Variants in SNX24 observed in about 807,000 individuals in gnomAD.
The protein encoded by SNX24 is sorting nexin 24.
A neutral mutation model predicts 28.7 loss-of-function variants in SNX24; 22 were observed. That is an observed-to-expected ratio of 0.77 (90% confidence interval 0.55 to 1.10). SNX24 has a LOEUF of 1.10. Among genes scored for constraint, SNX24 ranks in the 50% least tolerant of loss-of-function variants. SNX24 has a pLI of 0.00. For synonymous variants in SNX24, 69 were observed against 71.5 expected (o/e 0.96, Z 0.18); for missense variants, 221 against 201.1 (o/e 1.10, Z -0.60).
chr5:122,885,985 C>T (rs907901398), intron 1 of SNX24, among the ~76,000 whole-genome samples: 1 of 76,506 alleles, frequency 1.3e-5, no homozygotes, highest in Non-Finnish European at 2.2e-5. Flanking sequence ...GCTGATCCGA[C>T]CTGCTGTGTG....
intron 3 of SNX24, among the ~76,000 whole-genome samples, chr5:122,959,836 T>C (rs1012533978): frequency 2.6e-5 from 4 of 152,132 alleles, no homozygotes; most frequent in African/African-American, 9.7e-5. Context: ...AGCAGAGGTT[T>C]TGATAGGCAA....
At chr5:122,898,906 G>A (rs982626884) in intron 1 of SNX24, among the ~76,000 whole-genome samples, 3 of 152,222 alleles carry the variant, frequency 2.0e-5, no homozygotes, top group South Asian at 2.1e-4. Context: ...TCACAAATCA[G>A]AGTTTAGGAA....
At chr5:123,021,796 C>G (rs1387975432) in intron 5 of SNX24, among the ~76,000 whole-genome samples, 3 of 152,174 alleles carry the variant, frequency 2.0e-5, no homozygotes, top group Non-Finnish European at 4.4e-5. Context: ...ATCCCGCTCC[C>G]CTTTCTGCAC....
At chr5:123,026,064 C>T in intron 5 of SNX24, 1 of 1,065,322 alleles carries the variant, frequency 9.4e-7, no homozygotes, top group Non-Finnish European at 1.3e-6. Context: ...TTACTAGAAC[C>T]CTATAGGAGG....
At chr5:122,968,302 A>G (rs1304740667) in intron 3 of SNX24, among the ~76,000 whole-genome samples, 1 of 152,210 alleles carries the variant, frequency 6.6e-6, no homozygotes, top group Non-Finnish European at 1.5e-5. Context: ...AGCTGAGATC[A>G]TGCCACTGCA....
chr5:122,928,587 G>A (rs1441906318), intron 1 of SNX24, among the ~76,000 whole-genome samples: 1 of 151,940 alleles, frequency 6.6e-6, no homozygotes, highest in Non-Finnish European at 1.5e-5. Context: ...AATGTAGGTG[G>A]CTGCTAGGAG....
chr5:122,845,865 G>A (rs1253561422), intron 1 of SNX24, among the ~76,000 whole-genome samples, 172 bp downstream of exon 1: 1 of 151,936 alleles, frequency 6.6e-6, no homozygotes, highest in African/African-American at 2.4e-5. Flanking sequence ...AAGGAAACGG[G>A]CGCCCCTCCC....
intron 1 of SNX24, among the ~76,000 whole-genome samples, chr5:122,846,673 G>T (rs1186808502): frequency 6.6e-6 from 1 of 152,106 alleles, no homozygotes; most frequent in Non-Finnish European, 1.5e-5. Flanking sequence ...TCTTAGTTGG[G>T]ACTAAATTAC....
intron 4 of SNX24, 44 bp downstream of exon 4, chr5:123,000,050 C>G (rs765812817): frequency 8.1e-7 from 1 of 1,233,870 alleles, no homozygotes; most frequent in Non-Finnish European, 1.2e-6. Flanking sequence ...TTAAATTACT[C>G]TTCAATGACC....
chr5:122,979,903 T>C (rs1401877659), intron 3 of SNX24, among the ~76,000 whole-genome samples: 2 of 152,340 alleles, frequency 1.3e-5, no homozygotes, highest in Non-Finnish European at 2.9e-5. Flanking sequence ...CCACATTTGT[T>C]TTTAAAATGA....
chr5:122,870,413 G>A (rs1381420560), intron 1 of SNX24, among the ~76,000 whole-genome samples: 2 of 152,220 alleles, frequency 1.3e-5, no homozygotes, highest in Non-Finnish European at 2.9e-5. Flanking sequence ...CCCACATCTA[G>A]TGAATAGCAG....
At chr5:122,868,804 G>A (rs154503) in intron 1 of SNX24, among the ~76,000 whole-genome samples, 123,278 of 151,996 alleles carry the variant, frequency 0.81, 50,881 homozygotes, top group East Asian at 0.99. Context: ...TTAAATCTGC[G>A]TCTCATCCAA....
rs150915008 is a variant in SNX24 at position 122,997,474 on chromosome 5, C to T, written c.250-2438C>T. Among the ~76,000 whole-genome samples the T allele has an allele frequency of 1.6e-3, 246 of 152,246 alleles. 2 individuals carry two copies. The highest frequency in any genetic ancestry group is 5.3e-4 in the African/African-American group (22 of 41,552). On this transcript the variant is annotated intron_variant, in intron 3 of 6. Transcript: ENST00000261369. ...GGGGAAGCTGAGCAGGATTAATTCC[C>T]GTCCCTGTGTTGCAGTGTAAATAGC...
At chr5:123,028,750 GA>G (rs1290759181) in intron 5 of SNX24, 3 of 1,580,874 alleles carry the variant, frequency 1.9e-6, no homozygotes, top group Admixed American at 3.4e-5. Context: ...TGGTAAATGG[GA>G]AAGGAAAAAT....
At chr5:123,007,657 T>TC in intron 6 of SNX24, 25 bp from the exon 7 acceptor site, 1 of 1,562,060 alleles carries the variant, frequency 6.4e-7, no homozygotes, top group Non-Finnish European at 8.7e-7. Context: ...TCTTTTTTTT[T>TC]TCTTTTTTTT....
Position 122,956,367 on chromosome 5 carries a change from TACACACAC to T in SNX24, c.249+10240_249+10247del, listed in dbSNP as rs9327282. On this transcript the variant is annotated intron_variant, in intron 3 of 6. Coordinates refer to ENST00000261369, the MANE Select transcript of SNX24 (RefSeq NM_014035.4). Reference sequence around the variant, plus strand: ...AAACACTTGGGAAAAAAAAAATATATACACACACACACACACACACACACACACACACA... The same window carrying T: ...AAACACTTGGGAAAAAAAAAATATATACACACACACACACACACACACACA... 2.4e-3 allele frequency among the ~76,000 whole-genome samples: 354 copies of T among 147,242 alleles called. 6 individuals carry two copies. The highest frequency in any genetic ancestry group is 0.013 in the East Asian group (66 of 5,100).
At chr5:123,024,002 G>A (rs773113729) in intron 5 of SNX24, 7 of 1,611,894 alleles carry the variant, frequency 4.3e-6, no homozygotes, top group Non-Finnish European at 5.9e-6. Context: ...GTGCACCACT[G>A]TCTGGTGAGA....
chr5:123,026,965 C>T (rs186538742), intron 5 of SNX24, among the ~76,000 whole-genome samples: 30 of 152,206 alleles, frequency 2.0e-4, no homozygotes, highest in East Asian at 5.8e-4. Context: ...GAGGCTGAGG[C>T]GGGCAGATCG....
chr5:122,941,318 CT>C (rs1265512215), intron 2 of SNX24, among the ~76,000 whole-genome samples: 1 of 152,160 alleles, frequency 6.6e-6, no homozygotes, highest in Non-Finnish European at 1.5e-5. Context: ...CTACTAACAC[CT>C]TTACTGGCCG....
Sources: gnomAD v4.1 joint callset for allele counts (sites outside exome capture counted in the v4.1 genomes callset) on GRCh38, gnomAD v4.1.1 for gene constraint, MANE v1.5 for transcripts, NCBI Gene and HGNC (gene_info 2026-07-23, HGNC 2026-07-21) for gene names.